SEMA6D: variants seen among roughly 807,000 people sequenced by gnomAD.
SEMA6D encodes semaphorin-6D.
SEMA6D carries 35 observed loss-of-function variants against 106.6 expected under a neutral mutation model. The ratio of observed to expected loss-of-function variants is 0.33; its 90% CI spans 0.25 to 0.44. The LOEUF is 0.44. Among genes scored for constraint, SEMA6D ranks in the 20% least tolerant of loss-of-function variants. The probability of loss-of-function intolerance (pLI) is 1.00; values close to 1 mark genes in which losing one functional copy is unlikely to be tolerated. For missense variants in SEMA6D, 1,185 were observed against 1,345.9 expected, an observed-to-expected ratio of 0.88 and a Z score of 1.87; for synonymous variants, 499 against 487.7, an observed-to-expected ratio of 1.02 and a Z score of -0.31.
At chr15:47,610,515 A>G (rs1482490576) in intron 4 of SEMA6D, among the ~76,000 whole-genome samples, 1 of 152,226 alleles carries the variant, frequency 6.6e-6, no homozygotes, top group Non-Finnish European at 1.5e-5. Context: ...AGACATGTCT[A>G]AACCTTAATG....
At chr15:47,732,596 ATT>A (rs1202366932) in intron 1 of SEMA6D, among the ~76,000 whole-genome samples, 1 of 152,206 alleles carries the variant, frequency 6.6e-6, no homozygotes, top group Non-Finnish European at 1.5e-5. Flanking sequence ...CAAAATCACC[ATT>A]TTGTTATAGA....
chr15:47,637,958 A>G (rs189140992), intron 4 of SEMA6D, among the ~76,000 whole-genome samples: 44 of 152,326 alleles, frequency 2.9e-4, no homozygotes, highest in Non-Finnish European at 4.9e-4. Flanking sequence ...ATACCTGAGT[A>G]GAAAGGTTAT....
chr15:47,286,893 T>G (rs2035387944), intron 1 of SEMA6D, among the ~76,000 whole-genome samples: 1 of 152,146 alleles, frequency 6.6e-6, no homozygotes, highest in African/African-American at 2.4e-5. Context: ...AATGTGACAT[T>G]AAAGAGATTT....
intron 1 of SEMA6D, among the ~76,000 whole-genome samples, chr15:47,360,636 A>G (rs900604516): frequency 1.3e-5 from 2 of 152,178 alleles, no homozygotes; most frequent in African/African-American, 4.8e-5. Context: ...GTTTCAGGAA[A>G]ACTCAACCTG....
At chr15:47,414,318 C>T (rs1002899921) in intron 2 of SEMA6D, among the ~76,000 whole-genome samples, 4 of 152,078 alleles carry the variant, frequency 2.6e-5, no homozygotes, top group African/African-American at 7.2e-5. Flanking sequence ...ATACATAAGT[C>T]GTGGTTTCCT....
chr15:47,200,367 T>G (rs1894642143), intron 1 of SEMA6D, among the ~76,000 whole-genome samples: 1 of 152,154 alleles, frequency 6.6e-6, no homozygotes, highest in Non-Finnish European at 1.5e-5. Flanking sequence ...TAAACAAATT[T>G]AAGTGGTACC....
intron 2 of SEMA6D, among the ~76,000 whole-genome samples, chr15:47,441,463 T>A (rs2041879836): frequency 6.6e-6 from 1 of 152,108 alleles, no homozygotes. Flanking sequence ...AGACAAATGA[T>A]ATGTTTATGA....
intron 1 of SEMA6D, among the ~76,000 whole-genome samples, chr15:47,314,849 C>CTTTTTTTTTTTT (rs1173992222): frequency 1.2e-5 from 1 of 83,918 alleles, no homozygotes; most frequent in African/African-American, 5.3e-5. Context: ...TCTAGGTTTT[C>CTTTTTTTTTTTT]TTTTTTTTTT....
At chr15:47,314,617 A>AAAAAAAAAAAAAAAAAAAAAT (rs2036576157) in intron 1 of SEMA6D, among the ~76,000 whole-genome samples, 1 of 144,866 alleles carries the variant, frequency 6.9e-6, no homozygotes. Flanking sequence ...AAAAAAAAAA[A>AAAAAAAAAAAAAAAAAAAAAT]AGAATTCTTT....
chr15:47,389,410 G>A (rs934741665), intron 1 of SEMA6D, among the ~76,000 whole-genome samples: 2 of 151,444 alleles, frequency 1.3e-5, no homozygotes, highest in East Asian at 3.9e-4. Context: ...TCTGCCTAGA[G>A]GAGAAATGAA....
chr15:47,719,576 C>T (rs1462500580), intron 1 of SEMA6D, among the ~76,000 whole-genome samples: 9 of 152,118 alleles, frequency 5.9e-5, no homozygotes, highest in Admixed American at 5.9e-4. Context: ...TTGTTTATTC[C>T]AAAGCTGAAG....
intron 4 of SEMA6D, among the ~76,000 whole-genome samples, chr15:47,616,231 G>T (rs549277848): frequency 6.6e-6 from 1 of 151,486 alleles, no homozygotes; most frequent in Admixed American, 6.6e-5. Context: ...GTGCAGTGGT[G>T]CAATCTCAGC....
chr15:47,338,227 G>T (rs907382720), intron 1 of SEMA6D, among the ~76,000 whole-genome samples: 8 of 152,174 alleles, frequency 5.3e-5, no homozygotes, highest in Non-Finnish European at 2.9e-5. Context: ...GTAAAGAGAT[G>T]AATAAATGGG....
intron 1 of SEMA6D, among the ~76,000 whole-genome samples, chr15:47,253,275 A>G (rs905260860): frequency 6.6e-6 from 1 of 152,166 alleles, no homozygotes; most frequent in African/African-American, 2.4e-5. Flanking sequence ...TCAGATGCAT[A>G]GTTTGCAAAT....
At chr15:47,718,962 A>G (rs2079256476) in intron 1 of SEMA6D, 1 of 152,164 alleles carries the variant, frequency 6.6e-6, no homozygotes, top group Admixed American at 6.5e-5. Context: ...TCCTTGGGTA[A>G]TTTAGGAGGG....
intron 4 of SEMA6D, among the ~76,000 whole-genome samples, chr15:47,632,973 A>G (rs2077318432): frequency 6.6e-6 from 1 of 152,024 alleles, no homozygotes. Context: ...ATAACTTATC[A>G]TAGTCTACTG....
chr15:47,483,274 A>G (rs779182500), intron 3 of SEMA6D, among the ~76,000 whole-genome samples: 10 of 152,146 alleles, frequency 6.6e-5, no homozygotes, highest in Non-Finnish European at 1.3e-4. Flanking sequence ...CTAGCCATAG[A>G]CCCTTCAGAC....
At chr15:47,262,070 A>T (rs946297011) in intron 1 of SEMA6D, among the ~76,000 whole-genome samples, 3 of 152,130 alleles carry the variant, frequency 2.0e-5, no homozygotes, top group Non-Finnish European at 4.4e-5. Flanking sequence ...TCAGATATGA[A>T]CTCCCATTCA....
At chr15:47,433,499 A>G (rs1496903) in intron 2 of SEMA6D, among the ~76,000 whole-genome samples, 39,088 of 151,946 alleles carry the variant, frequency 0.26, 6,180 homozygotes, top group East Asian at 0.51. Flanking sequence ...GCTTCAAAAG[A>G]ATAGCAGGTT....
Sources: gnomAD v4.1 joint callset for allele counts (sites outside exome capture counted in the v4.1 genomes callset) on GRCh38, gnomAD v4.1.1 for gene constraint, MANE v1.5 for transcripts, NCBI Gene and HGNC (gene_info 2026-07-23, HGNC 2026-07-21) for gene names.